RASGEF1C: variants seen among roughly 807,000 people sequenced by gnomAD.
RASGEF1C encodes ras-GEF domain-containing family member 1C.
In RASGEF1C, 27 loss-of-function variants were observed where a neutral mutation model predicts 58.1. The observed-to-expected ratio is 0.46, with a 90% CI of 0.34 to 0.64. The LOEUF (loss-of-function observed/expected upper bound fraction) is 0.64. Ranked by LOEUF, RASGEF1C falls within the 30% of genes least tolerant of loss-of-function variation. The pLI is 0.01. For synonymous variants in RASGEF1C, 243 were observed against 246.3 expected, an observed-to-expected ratio of 0.99 and a Z score of 0.13; for missense variants, 502 against 605.1, an observed-to-expected ratio of 0.83 and a Z score of 1.79.
intron 1 of RASGEF1C, among the ~76,000 whole-genome samples, chr5:180,204,238 G>C (rs1756451385): frequency 6.6e-6 from 1 of 152,206 alleles, no homozygotes; most frequent in African/African-American, 2.4e-5. Context: ...ATGCTGTTAT[G>C]AGCATTTGTG....
intron 1 of RASGEF1C, among the ~76,000 whole-genome samples, chr5:180,169,746 T>C (rs1767073467): frequency 6.6e-6 from 1 of 152,084 alleles, no homozygotes; most frequent in African/African-American, 2.4e-5. Context: ...CAACCTGCCC[T>C]GGCCCTTCTC....
At chr5:180,201,930 C>T (rs753680674) in intron 1 of RASGEF1C, among the ~76,000 whole-genome samples, 5 of 152,172 alleles carry the variant, frequency 3.3e-5, no homozygotes, top group Admixed American at 6.6e-5. Context: ...TGTGAGAAAT[C>T]GTTCTGTTGT....
chr5:180,188,327 G>A (rs1581126879), intron 1 of RASGEF1C, among the ~76,000 whole-genome samples: 1 of 152,310 alleles, frequency 6.6e-6, no homozygotes, highest in East Asian at 1.9e-4. Context: ...TGGCAGGAGA[G>A]GGTAGTAGTG....
At chr5:180,182,243 T>C (rs1367577859) in intron 1 of RASGEF1C, among the ~76,000 whole-genome samples, 2 of 141,574 alleles carry the variant, frequency 1.4e-5, no homozygotes, top group Non-Finnish European at 3.0e-5. Flanking sequence ...AATGAAGCCA[T>C]GGACCTTCAC....
chr5:180,121,834 G>A (rs1035750923), intron 6 of RASGEF1C, among the ~76,000 whole-genome samples: 1 of 152,222 alleles, frequency 6.6e-6, no homozygotes, highest in Non-Finnish European at 1.5e-5. Context: ...AGCATCTCCA[G>A]AGGAGGCTAA....
At chr5:180,131,770 A>T (rs1384117683) in intron 4 of RASGEF1C, among the ~76,000 whole-genome samples, 1 of 152,156 alleles carries the variant, frequency 6.6e-6, no homozygotes, top group Non-Finnish European at 1.5e-5. Flanking sequence ...GTCTGTGCCT[A>T]CCCCTTGATA....
intron 1 of RASGEF1C, among the ~76,000 whole-genome samples, chr5:180,175,936 G>T (rs367887799): frequency 6.6e-6 from 1 of 152,170 alleles, no homozygotes; most frequent in East Asian, 1.9e-4. Context: ...TGAAGTGAGC[G>T]GAGATCACGC....
intron 1 of RASGEF1C, among the ~76,000 whole-genome samples, chr5:180,170,430 G>A (rs1767091209): frequency 6.6e-6 from 1 of 152,226 alleles, no homozygotes; most frequent in Non-Finnish European, 1.5e-5. Context: ...GCTCTGAGAT[G>A]TGTGAAGCCA....
At position 180,128,618 on chromosome 5, in the gene RASGEF1C, G is replaced by A. The variant is rs760865162; in HGVS notation, c.439-8C>T. 2.6e-5 allele frequency: 42 copies of A among 1,612,628 alleles called. No homozygotes were observed. The Admixed American group carries it at 6.7e-4, about 26-fold the overall frequency. On this transcript the variant is annotated splice_region_variant and splice_polypyrimidine_tract_variant and intron_variant, in intron 4 of 13. Transcript: ENST00000361132. ...CATCCTCTTCCGGTATGCCTGGTGG[G>A]TGGAAAGAAGGGCGCTCAGGACTGA...
chr5:180,145,421 C>T (rs1269011457), intron 1 of RASGEF1C, among the ~76,000 whole-genome samples: 2 of 152,258 alleles, frequency 1.3e-5, no homozygotes, highest in African/African-American at 4.8e-5. Flanking sequence ...GTGCCCGGCC[C>T]GCTGCACCAT....
At chr5:180,130,210 T>A (rs550892610) in intron 4 of RASGEF1C, among the ~76,000 whole-genome samples, 2 of 152,048 alleles carry the variant, frequency 1.3e-5, no homozygotes, top group Non-Finnish European at 2.9e-5. Context: ...CCTGGATGAG[T>A]ACTGTTGGGA....
chr5:180,158,050 T>A lies in RASGEF1C; in HGVS notation c.-6-19992A>T, dbSNP rs930474633. 2.6e-5 allele frequency among the ~76,000 whole-genome samples: 4 copies of A among 152,154 alleles called. No homozygotes were observed. Among genetic ancestry groups the A allele is most frequent in the Admixed American group, 6.6e-5 (1 of 15,260 alleles). ...TCGATAATGGGGGAGGCTCTGCATG[T>A]GTGGAGGCAGGGGGATGTGGGAAAT... On this transcript the variant is annotated intron_variant, in intron 1 of 13. Coordinates refer to ENST00000361132, the MANE Select transcript of RASGEF1C (RefSeq NM_175062.4). The surrounding 1 kb of genome is among the most constrained non-coding windows in gnomAD (Gnocchi z 4.0).
chr5:180,124,414 T>C (rs1766223069), intron 6 of RASGEF1C, among the ~76,000 whole-genome samples: 1 of 152,132 alleles, frequency 6.6e-6, no homozygotes, highest in South Asian at 2.1e-4. Context: ...CACTGACGAT[T>C]ATAGTTGCAG....
At chr5:180,194,580 A>ACT (rs1554116031) in intron 1 of RASGEF1C, among the ~76,000 whole-genome samples, 1 of 152,144 alleles carries the variant, frequency 6.6e-6, no homozygotes, top group Non-Finnish European at 1.5e-5. Context: ...TGAGTGTACC[A>ACT]TTTTTTATTC....
chr5:180,147,969 A>C (rs1420119906), intron 1 of RASGEF1C, among the ~76,000 whole-genome samples: 3 of 152,160 alleles, frequency 2.0e-5, no homozygotes, highest in Non-Finnish European at 4.4e-5. Context: ...ATTACTATAG[A>C]GCTGTCCATT....
chr5:180,185,629 TAAA>T (rs1279404746), intron 1 of RASGEF1C, among the ~76,000 whole-genome samples: 2 of 149,828 alleles, frequency 1.3e-5, no homozygotes, highest in Non-Finnish European at 3.0e-5. Flanking sequence ...AATAAATAAA[TAAA>T]AAGGATAATA....
intron 1 of RASGEF1C, among the ~76,000 whole-genome samples, chr5:180,181,700 C>G (rs1379580983): frequency 1.3e-5 from 2 of 152,208 alleles, no homozygotes; most frequent in Non-Finnish European, 2.9e-5. Flanking sequence ...AGCCCCTGAT[C>G]CAGAACTCCA....
At chr5:180,174,976 T>A (rs980169018) in intron 1 of RASGEF1C, among the ~76,000 whole-genome samples, 1 of 151,850 alleles carries the variant, frequency 6.6e-6, no homozygotes, top group Admixed American at 6.6e-5. Flanking sequence ...GGGTTTAGGG[T>A]TGCCAGGCAC....
chr5:180,178,452 G>GTATTTTT (rs1447933456), intron 1 of RASGEF1C, among the ~76,000 whole-genome samples: 1 of 150,900 alleles, frequency 6.6e-6, no homozygotes, highest in East Asian at 2.0e-4. Context: ...GCTAATTGTT[G>GTATTTTT]TATTTTTAGT....
Sources: gnomAD v4.1 joint callset for allele counts (sites outside exome capture counted in the v4.1 genomes callset) on GRCh38, gnomAD v4.1.1 for gene constraint, Gnocchi (gnomAD v3.1) non-coding constraint, MANE v1.5 for transcripts, NCBI Gene and HGNC (gene_info 2026-07-23, HGNC 2026-07-21) for gene names.